MND1: variants seen among roughly 807,000 people sequenced by gnomAD.
The protein encoded by MND1 is meiotic nuclear divisions 1, also known as meiotic nuclear division protein 1 homolog.
A neutral mutation model predicts 35.1 loss-of-function variants in MND1; 28 were observed. The ratio of observed to expected loss-of-function variants is 0.80; its 90% confidence interval spans 0.59 to 1.09. The LOEUF (loss-of-function observed/expected upper bound fraction) is 1.09. Ranked by LOEUF, MND1 falls within the 50% of genes least tolerant of loss-of-function variation. The probability of loss-of-function intolerance (pLI) is 0.00; values close to 1 mark genes in which losing one functional copy is unlikely to be tolerated. For synonymous variants in MND1, 69 were observed against 70.5 expected (o/e 0.98, Z 0.11); for missense variants, 213 against 239.6 (o/e 0.89, Z 0.73).
chr4:153,369,162 G>A (rs184673417), intron 4 of MND1, among the ~76,000 whole-genome samples: 1 of 152,286 alleles, frequency 6.6e-6, no homozygotes, highest in East Asian at 1.9e-4. Context: ...TTGGCCCAAG[G>A]CCTCCCTCAG....
At position 153,414,888 on chromosome 4, in the gene MND1, C is replaced by A; in HGVS notation, c.*31C>A. ...TCCATGGTGGTGAAGGATGTACAAG[C>A]TTGTGAATATGTAAATTTTAAACTA... is the stretch of plus-strand genomic sequence containing the variant. On this transcript the variant is annotated 3_prime_UTR_variant, in exon 8 of 8. Transcript: ENST00000240488. The A allele has an allele frequency of 2.1e-6, 2 of 967,340 alleles. No homozygotes were observed. Among genetic ancestry groups the A allele is most frequent in the Non-Finnish European group, 3.1e-6 (2 of 654,796 alleles). 59.9% of individuals were successfully genotyped at this position (967,340 alleles called of 1,614,324 possible).
chr4:153,384,053 T>C (rs933598947), intron 4 of MND1, among the ~76,000 whole-genome samples: 1 of 152,172 alleles, frequency 6.6e-6, no homozygotes, highest in Non-Finnish European at 1.5e-5. Flanking sequence ...TCTCAAAATA[T>C]CTGAATGGTT....
chr4:153,361,704 G>A (rs1773497926), intron 4 of MND1: 1 of 366,050 alleles, frequency 2.7e-6, no homozygotes, highest in Admixed American at 3.6e-5. Flanking sequence ...CGGGCGTGGT[G>A]GTGGGTGCCT....
At position 153,397,323 on chromosome 4, in the gene MND1, GGAA is replaced by G; in HGVS notation, c.460_462del (p.Glu154del). 6.2e-7 allele frequency: 1 copy of G among 1,609,492 alleles called. No homozygotes were observed. The highest frequency in any genetic ancestry group is 8.5e-7 in the Non-Finnish European group (1 of 1,177,368). On this transcript the variant is annotated inframe_deletion, in exon 6 of 8. Transcript: ENST00000240488. ...ACAAAGACTGTGATCCGCAAGTTGT[GGAA>G]GAAATACGTAAGTTTGTGTCATACC...
At chr4:153,387,910 C>G (rs562742279) in intron 4 of MND1, among the ~76,000 whole-genome samples, 179 of 150,706 alleles carry the variant, frequency 1.2e-3, no homozygotes, top group Non-Finnish European at 6.2e-4. Flanking sequence ...TTGCTATTAT[C>G]TCTTTCTCAT....
intron 4 of MND1, among the ~76,000 whole-genome samples, chr4:153,373,980 A>G (rs1338912808): frequency 6.6e-6 from 1 of 152,200 alleles, no homozygotes; most frequent in African/African-American, 2.4e-5. Flanking sequence ...CTTCATGGAA[A>G]GAGTAGTAGT....
chr4:153,356,742 A>G (rs919860390), intron 3 of MND1, among the ~76,000 whole-genome samples: 5 of 151,708 alleles, frequency 3.3e-5, no homozygotes, highest in Non-Finnish European at 7.4e-5. Context: ...TCAGTTATTA[A>G]TGGGGTTGAA....
chr4:153,405,886 G>C (rs1729493057), intron 6 of MND1, among the ~76,000 whole-genome samples: 2 of 152,018 alleles, frequency 1.3e-5, no homozygotes, highest in South Asian at 2.1e-4. Context: ...CTCACTGCAG[G>C]CTCTGCCTCC....
chr4:153,391,246 C>A (rs546537664), intron 4 of MND1, among the ~76,000 whole-genome samples: 37 of 152,040 alleles, frequency 2.4e-4, no homozygotes, highest in African/African-American at 8.4e-4. Flanking sequence ...TCATTGCAAC[C>A]TCTGCCTCCC....
intron 2 of MND1, among the ~76,000 whole-genome samples, chr4:153,351,110 A>C (rs1303723607): frequency 6.6e-6 from 1 of 152,210 alleles, no homozygotes; most frequent in Non-Finnish European, 1.5e-5. Context: ...TGAAAATTAT[A>C]GCAATTCTTC....
At chr4:153,390,072 TTCAGA>T in intron 4 of MND1, among the ~76,000 whole-genome samples, 1 of 151,726 alleles carries the variant, frequency 6.6e-6, no homozygotes, top group East Asian at 1.9e-4. Flanking sequence ...TAACTACTGG[TTCAGA>T]TAGTTTATAT....
At chr4:153,366,791 T>TG (rs1227883385) in intron 4 of MND1, among the ~76,000 whole-genome samples, 23 of 152,324 alleles carry the variant, frequency 1.5e-4, no homozygotes, top group African/African-American at 5.3e-4. Flanking sequence ...CAGTGAACCA[T>TG]GGTCCTAAAT....
chr4:153,377,298 T>C (rs1194757563), intron 4 of MND1, among the ~76,000 whole-genome samples: 1 of 152,236 alleles, frequency 6.6e-6, no homozygotes, highest in Non-Finnish European at 1.5e-5. Flanking sequence ...TTGTTTTGTT[T>C]TGTTACCAAT....
At chr4:153,392,332 C>G (rs185715333) in intron 4 of MND1, among the ~76,000 whole-genome samples, 1 of 152,102 alleles carries the variant, frequency 6.6e-6, no homozygotes, top group African/African-American at 2.4e-5. Flanking sequence ...GTCTCGATCT[C>G]CTGACCTCGT....
intron 6 of MND1, among the ~76,000 whole-genome samples, chr4:153,398,279 CCTGT>C (rs1443750898): frequency 2.0e-5 from 3 of 152,022 alleles, no homozygotes; most frequent in African/African-American, 7.3e-5. Context: ...TCTGTCTTAG[CCTGT>C]CTTTTATTTA....
intron 6 of MND1, among the ~76,000 whole-genome samples, chr4:153,407,561 A>G (rs765014085): frequency 4.6e-5 from 7 of 152,204 alleles, no homozygotes; most frequent in Non-Finnish European, 1.0e-4. Context: ...TTGGCAAACA[A>G]TTTATCTCTT....
chr4:153,380,302 CT>C (rs1013615003), intron 4 of MND1, among the ~76,000 whole-genome samples: 3 of 150,946 alleles, frequency 2.0e-5, no homozygotes, highest in East Asian at 1.9e-4. Context: ...GACTAGATTT[CT>C]TTTTTTTTGG....
rs917949588 is a variant in MND1 at position 153,348,096 on chromosome 4, G to T, written c.4-1968G>T. Among the ~76,000 whole-genome samples, 3 of 152,182 alleles carry T rather than the reference G, an allele frequency of 2.0e-5. No homozygotes were observed. In the East Asian group the frequency reaches 5.8e-4, roughly 29 times the overall value. Reference sequence around the variant, plus strand: ...GTTAGGGGACTGGAGGTATATTGCAGGAGATAGATGATGAAGGCCTGAATG... The same window carrying T: ...GTTAGGGGACTGGAGGTATATTGCATGAGATAGATGATGAAGGCCTGAATG... On this transcript the variant is annotated intron_variant, in intron 1 of 7. Coordinates refer to ENST00000240488, the MANE Select transcript of MND1 (RefSeq NM_032117.4).
chr4:153,381,347 G>A (rs2149646007), intron 4 of MND1, among the ~76,000 whole-genome samples: 1 of 151,862 alleles, frequency 6.6e-6, no homozygotes, highest in Non-Finnish European at 1.5e-5. Flanking sequence ...TACAGCTATA[G>A]AATTCCCATT....
Sources: gnomAD v4.1 joint callset for allele counts (sites outside exome capture counted in the v4.1 genomes callset) on GRCh38, gnomAD v4.1.1 for gene constraint, MANE v1.5 for transcripts, NCBI Gene and HGNC (gene_info 2026-07-23, HGNC 2026-07-21) for gene names.